The following MYOM3 variants were observed in gnomAD, a reference collection of about 807,000 sequenced individuals.
MYOM3 encodes myomesin-3.
Under a neutral mutation model 191.7 loss-of-function variants are expected in MYOM3, and 155 were observed. That is an observed-to-expected ratio of 0.81 (90% CI 0.71 to 0.92). The LOEUF (loss-of-function observed/expected upper bound fraction) is 0.92. MYOM3 is among the 40% of genes least tolerant of loss of function. The pLI is 0.00. For synonymous variants in MYOM3, 757 were observed against 762.9 expected (o/e 0.99, Z 0.13); for missense variants, 1,889 against 1,890.6 (o/e 1.00, Z 0.02).
chr1:24,106,116 G>A lies in MYOM3; in HGVS notation c.403-39C>T, dbSNP rs951137996. On this transcript the variant is annotated intron_variant, in intron 4 of 36. Coordinates refer to ENST00000374434, the MANE Select transcript of MYOM3 (RefSeq NM_152372.4). ...GAGGTGTATGACGCTGTGAGCCAGGGACCACCTCTCTGCCATCTTTGCCAT... is the reference window on the plus strand; with the variant it reads ...GAGGTGTATGACGCTGTGAGCCAGGAACCACCTCTCTGCCATCTTTGCCAT... 1.9e-6 allele frequency: 3 copies of A among 1,556,622 alleles called. No individual in the cohort carries two copies. The African/African-American group carries it at 4.1e-5, about 21-fold the overall frequency.
rs144490337 is a variant in MYOM3, at chr1:24,082,181, C to A, written c.2100G>T (p.Pro700=). ...GGAGGGCAAAGCCATATGGGGCAGA[C>A]GGGGTAGCTACAGGGAGGTAAGGAG... is the stretch of plus-strand genomic sequence containing the variant. ...PIRVKQALAT[P]SAPYGFALLN... is the part of the protein sequence containing the mutation. The change falls in exon 18 of 37, where the codon CCG becomes CCT. Residue 700 remains proline (P), a synonymous_variant. Transcript: ENST00000374434. The A allele has an allele frequency of 6.2e-7, 1 of 1,607,906 alleles. No individual in the cohort carries two copies. The highest frequency in any genetic ancestry group is 2.2e-5 in the East Asian group (1 of 44,806).
intron 19 of MYOM3, among the ~76,000 whole-genome samples, chr1:24,080,961 T>C (rs796615927): frequency 5.3e-4 from 80 of 152,278 alleles, no homozygotes; most frequent in African/African-American, 1.8e-3. Flanking sequence ...TTCCTGGGAC[T>C]TGGGATTTTC....
intron 14 of MYOM3, among the ~76,000 whole-genome samples, chr1:24,088,102 A>G (rs1160030699): frequency 6.6e-6 from 1 of 152,170 alleles, no homozygotes; most frequent in East Asian, 1.9e-4. Context: ...AGAAACCCCG[A>G]GTCTCTGGGC....
rs374208248 is a variant in MYOM3 at position 24,093,081 on chromosome 1, C to T, written c.956G>A (p.Arg319Gln). Reference protein sequence around the residue: ...DGSLLRSSRRRKILYTDRQAS... With the variant: ...DGSLLRSSRRQKILYTDRQAS... The stretch of plus-strand genomic sequence containing the variant: ...CTGGCGGTCTGTGTAGAGGATCTTC[C>T]GACGTCTCGAGGACCTCAGTAGGCT... The change falls in exon 10 of 37, where the codon CGG becomes CAG. Residue 319 changes from arginine (R) to glutamine (Q), a missense_variant. Coordinates refer to ENST00000374434, the MANE Select transcript of MYOM3 (RefSeq NM_152372.4). 47 of 1,611,124 alleles carry T rather than the reference C, an allele frequency of 2.9e-5. No individual in the cohort carries two copies. The highest frequency in any genetic ancestry group is 2.4e-4 in the African/African-American group (18 of 74,862).
intron 5 of MYOM3, among the ~76,000 whole-genome samples, chr1:24,100,380 C>T (rs983311108): frequency 6.6e-6 from 1 of 152,138 alleles, no homozygotes; most frequent in Non-Finnish European, 1.5e-5. Context: ...CTTCTGGGGG[C>T]AGAGAAGAGG....
chr1:24,093,654 C>T (rs1175906132), intron 9 of MYOM3, among the ~76,000 whole-genome samples: 1 of 151,984 alleles, frequency 6.6e-6, no homozygotes, highest in Non-Finnish European at 1.5e-5. Context: ...AGGGGCGGGC[C>T]CTGCCTTGAG....
chr1:24,059,952 G>A (rs920708386), intron 35 of MYOM3, among the ~76,000 whole-genome samples: 1 of 152,224 alleles, frequency 6.6e-6, no homozygotes, highest in Non-Finnish European at 1.5e-5. Context: ...GGGAGGGGAA[G>A]GCCCCACAGA....
rs966989690 is a variant in MYOM3 at position 24,090,789 on chromosome 1, G to C, written c.1432+8C>G. The C allele has an allele frequency of 3.1e-6, 5 of 1,613,908 alleles. No individual in the cohort carries two copies. The highest frequency in any genetic ancestry group is 4.2e-6 in the Non-Finnish European group (5 of 1,179,888). On this transcript the variant is annotated splice_region_variant and intron_variant, in intron 12 of 36. Coordinates refer to ENST00000374434, the MANE Select transcript of MYOM3 (RefSeq NM_152372.4). Reference sequence around the variant, plus strand: ...TTCTAGAAAGTCGCTTAGGACCTCTGTACCCACCTGTCTTCCTCCGGGCTG... The same window carrying C: ...TTCTAGAAAGTCGCTTAGGACCTCTCTACCCACCTGTCTTCCTCCGGGCTG...
rs1570886976 is a variant in MYOM3, at chr1:24,102,639, G to A, written c.561-2864C>T. 2.6e-5 allele frequency among the ~76,000 whole-genome samples: 4 copies of A among 152,286 alleles called. No individual in the cohort carries two copies. The South Asian group carries it at 8.3e-4, about 32-fold the overall frequency. Reference sequence around the variant, plus strand: ...GAGATGGGAGGACTACTTGAGGCCAGGAGTTCGAGACAGCCTGGGCAACAT... The same window carrying A: ...GAGATGGGAGGACTACTTGAGGCCAAGAGTTCGAGACAGCCTGGGCAACAT... On this transcript the variant is annotated intron_variant, in intron 5 of 36. Coordinates refer to ENST00000374434, the MANE Select transcript of MYOM3 (RefSeq NM_152372.4).
intron 8 of MYOM3, 88 bp from the exon 9 acceptor site, chr1:24,095,078 C>T (rs1643871028): frequency 7.1e-7 from 1 of 1,413,974 alleles, no homozygotes; most frequent in Non-Finnish European, 9.6e-7. Flanking sequence ...CTGGGGCATC[C>T]CTTCTCTTCT....
At chr1:24,084,839 C>T (rs569447848) in intron 15 of MYOM3, among the ~76,000 whole-genome samples, 200 bp from the exon 16 acceptor site, 1 of 152,322 alleles carries the variant, frequency 6.6e-6, no homozygotes, top group African/African-American at 2.4e-5. Context: ...CCCCTTACCT[C>T]TGAGCATCTC....
Position 24,084,528 on chromosome 1 carries a change from G to A in MYOM3, c.1910C>T (p.Ser637Phe), listed in dbSNP as rs1643712226. 6.2e-7 allele frequency: 1 copy of A among 1,614,170 alleles called. No individual in the cohort carries two copies. Among genetic ancestry groups the A allele is most frequent in the Non-Finnish European group, 8.5e-7 (1 of 1,180,040 alleles). Residue 637 changes from serine (S) to phenylalanine (F), a missense_variant, in exon 16 of 37, where the codon TCC becomes TTC. Transcript: ENST00000374434. ...DPELLGYYIY[S>F]RKVGTSEWQT... ...CCACTCAGATGTCCCCACCTTCCGGGAGTAGATGTAATAACCCAGGAGCTC... is the reference window on the plus strand; with the variant it reads ...CCACTCAGATGTCCCCACCTTCCGGAAGTAGATGTAATAACCCAGGAGCTC...
chr1:24,107,255 G>T lies in MYOM3; in HGVS notation c.243-23C>A, dbSNP rs746058650. Reference sequence around the variant, plus strand: ...TCCCTGCCGTGACAGAGGCCATCGGGGCTCAGGCAGGGATGGGGGATGCCT... The same window carrying T: ...TCCCTGCCGTGACAGAGGCCATCGGTGCTCAGGCAGGGATGGGGGATGCCT... On this transcript the variant is annotated intron_variant, in intron 3 of 36. Transcript: ENST00000374434. 3.8e-6 allele frequency: 6 copies of T among 1,575,918 alleles called. No homozygotes were observed. In the South Asian group the frequency reaches 5.8e-5, roughly 15 times the overall value.
intron 16 of MYOM3, chr1:24,083,851 A>G (rs1643703620): frequency 6.6e-6 from 1 of 152,520 alleles, no homozygotes. Context: ...GGCTTTGGCA[A>G]GTTATGTAAC....
At position 24,099,383 on chromosome 1, in the gene MYOM3, C is replaced by T. The variant is rs189699578; in HGVS notation, c.656+297G>A. ...TGCCTAGTTCAGCATCCAGTCCTCA[C>T]GGCCAGCCTCTGAGTCCAAATTTCT... On this transcript the variant is annotated intron_variant, in intron 6 of 36. Transcript: ENST00000374434. Among the ~76,000 whole-genome samples, 34 of 152,290 alleles carry T rather than the reference C, an allele frequency of 2.2e-4. No individual in the cohort carries two copies. The East Asian group carries it at 6.2e-3, about 28-fold the overall frequency.
At chr1:24,104,569 G>A (rs1049323662) in intron 5 of MYOM3, among the ~76,000 whole-genome samples, 29 of 152,142 alleles carry the variant, frequency 1.9e-4, no homozygotes, top group African/African-American at 6.3e-4. Flanking sequence ...TCCGCCTCCC[G>A]GGTTCAAGCG....
intron 7 of MYOM3, among the ~76,000 whole-genome samples, chr1:24,097,175 TGGGGAGTTGCTGG>T (rs1335621621): frequency 6.6e-6 from 1 of 152,040 alleles, no homozygotes; most frequent in Non-Finnish European, 1.5e-5. Context: ...GGGGGTCAGG[TGGGGAGTTGCTGG>T]GGTTTGGCTT....
intron 29 of MYOM3, 56 bp from the exon 30 acceptor site, chr1:24,064,215 G>C (rs1364283360): frequency 9.7e-6 from 14 of 1,442,318 alleles, no homozygotes. Flanking sequence ...AGGAGAGATG[G>C]ATACCAAATC....
intron 35 of MYOM3, 23 bp downstream of exon 35, chr1:24,061,037 A>G: frequency 6.2e-7 from 1 of 1,614,000 alleles, no homozygotes; most frequent in East Asian, 2.2e-5. Context: ...AAACAAAAAC[A>G]ACAGAAATAT....
Sources: allele counts gnomAD v4.1 joint callset (sites outside exome capture counted in the v4.1 genomes callset), GRCh38; gene constraint gnomAD v4.1.1; transcripts MANE v1.5; gene names NCBI Gene and HGNC (gene_info 2026-07-23, HGNC 2026-07-21).